The following DEGS1 variants were observed in gnomAD, a reference collection of about 807,000 sequenced individuals.
DEGS1 encodes the protein sphingolipid delta(4)-desaturase DES1.
In DEGS1, 17 loss-of-function variants were observed where a neutral mutation model predicts 24.1. The ratio of observed to expected loss-of-function variants is 0.70; its 90% confidence interval spans 0.48 to 1.06. The LOEUF (loss-of-function observed/expected upper bound fraction) is 1.06. Among genes scored for constraint, DEGS1 ranks in the 50% least tolerant of loss-of-function variants. DEGS1 has a pLI of 0.00. For missense variants in DEGS1, 366 were observed against 408.9 expected, an observed-to-expected ratio of 0.90 and a Z score of 0.91; for synonymous variants, 134 against 140.0, an observed-to-expected ratio of 0.96 and a Z score of 0.30.
chr1:224,189,543 T>C, intron 1 of DEGS1, 34 bp from the exon 2 acceptor site: 1 of 1,489,576 alleles, frequency 6.7e-7, no homozygotes, highest in South Asian at 1.3e-5. Flanking sequence ...TACATACTTT[T>C]CTTAGTTCCT....
chr1:224,187,161 A>G (rs1377574855), intron 1 of DEGS1, among the ~76,000 whole-genome samples: 4 of 151,962 alleles, frequency 2.6e-5, no homozygotes, highest in Non-Finnish European at 5.9e-5. Context: ...TACAAAAATT[A>G]GCTGGGTGTG....
rs746805086 is a variant in DEGS1 at position 224,190,317 on chromosome 1, C to G, written c.823C>G (p.Leu275Val). 1.3e-6 allele frequency: 2 copies of G among 1,490,604 alleles called. No homozygotes were observed. Among genetic ancestry groups the G allele is most frequent in the Admixed American group, 5.0e-5 (2 of 39,946 alleles). 92.3% of individuals were successfully genotyped at this position (1,490,604 alleles called of 1,614,324 possible). A position where few individuals can be genotyped will look rare whatever the true frequency, so the allele number is the denominator to read the frequency against. Reference sequence around the variant, plus strand: ...CAACATTCCTGGAAAAAGTCTTCCACTGGTAAGTAAAGGATTTGATACATA... The same window carrying G: ...CAACATTCCTGGAAAAAGTCTTCCAGTGGTAAGTAAAGGATTTGATACATA... The part of the protein sequence containing the change: ...FPNIPGKSLP[L>V]VRKIAAEYYD... The change falls in exon 2 of 3, where the codon CTG becomes GTG. Residue 275 changes from leucine (L) to valine (V), a missense_variant and splice_region_variant. Physicochemically the swap from Leu to Val is conservative, Grantham distance 32. Transcript: ENST00000323699.
At chr1:224,184,771 C>T (rs1481100551) in intron 1 of DEGS1, among the ~76,000 whole-genome samples, 1 of 152,124 alleles carries the variant, frequency 6.6e-6, no homozygotes, top group East Asian at 1.9e-4. Flanking sequence ...CCGCCTTGGC[C>T]TCCCGAAGTT....
intron 1 of DEGS1, among the ~76,000 whole-genome samples, chr1:224,186,607 G>A (rs962549633): frequency 6.6e-6 from 1 of 151,540 alleles, no homozygotes; most frequent in African/African-American, 2.4e-5. Context: ...CAACTACTCA[G>A]GAGGCCGAGG....
chr1:224,185,190 C>T (rs1020960100), intron 1 of DEGS1, among the ~76,000 whole-genome samples: 3 of 152,124 alleles, frequency 2.0e-5, no homozygotes, highest in Non-Finnish European at 2.9e-5. Flanking sequence ...TGGGTTTCTC[C>T]GTGTTGCCCA....
chr1:224,185,149 G>A (rs1171640940), intron 1 of DEGS1, among the ~76,000 whole-genome samples: 1 of 152,070 alleles, frequency 6.6e-6, no homozygotes, highest in African/African-American at 2.4e-5. Context: ...ACACCACCAT[G>A]CCTGGTTGAT....
At chr1:224,183,806 C>T in intron 1 of DEGS1, 1 of 159,738 alleles carries the variant, frequency 6.3e-6, no homozygotes, top group Non-Finnish European at 1.4e-5. Flanking sequence ...CCTCTCACCA[C>T]TCCCTCTCCT....
In DEGS1 at chr1:224,193,081, A is replaced by T. The variant is rs1275436765; in HGVS notation, c.*603A>T. The T allele has an allele frequency of 3.3e-5, 5 of 152,264 alleles. No homozygotes were observed. Among genetic ancestry groups the T allele is most frequent in the South Asian group, 4.1e-4 (2 of 4,828 alleles). The allele number at this position is 152,264 out of a possible 1,614,324, so 9.4% of individuals were successfully genotyped here. A position where few individuals can be genotyped will look rare whatever the true frequency, so the allele number is the denominator to read the frequency against. On this transcript the variant is annotated 3_prime_UTR_variant, in exon 3 of 3. Transcript: ENST00000323699. ...TCTCAAAAATAAATAAATATATATAAAAAATAAAAAGCTATTTCTAGTTTA... is the reference window on the plus strand; with the variant it reads ...TCTCAAAAATAAATAAATATATATATAAAATAAAAAGCTATTTCTAGTTTA...
intron 1 of DEGS1, among the ~76,000 whole-genome samples, chr1:224,184,994 CACACACACACACTT>C (rs1658341329): frequency 9.3e-6 from 1 of 107,538 alleles, no homozygotes; most frequent in South Asian, 3.2e-4. Context: ...CACACACACA[CACACACACACACTT>C]TTTTTAAATT....
chr1:224,185,438 G>A (rs1269854779), intron 1 of DEGS1, among the ~76,000 whole-genome samples: 3 of 152,086 alleles, frequency 2.0e-5, no homozygotes, highest in Non-Finnish European at 4.4e-5. Flanking sequence ...CCAGTGGTCC[G>A]CATACCTCAG....
Position 224,192,660 on chromosome 1 carries a change from C to A in DEGS1, c.*182C>A. The A allele has an allele frequency of 1.8e-6, 1 of 551,450 alleles. No homozygotes were observed. The highest frequency in any genetic ancestry group is 3.1e-6 in the Non-Finnish European group (1 of 321,166). The allele number at this position is 551,450 out of a possible 1,614,324, so 34.2% of individuals were successfully genotyped here. Reference sequence around the variant, plus strand: ...ACAGTCAGCCTGACTCTGTACTGCTCAGTTTCACTCACAGGAAACTTGTGA... The same window carrying A: ...ACAGTCAGCCTGACTCTGTACTGCTAAGTTTCACTCACAGGAAACTTGTGA... On this transcript the variant is annotated 3_prime_UTR_variant, in exon 3 of 3. Transcript: ENST00000323699.
chr1:224,189,500 T>C, intron 1 of DEGS1, 77 bp from the exon 2 acceptor site: 1 of 1,088,802 alleles, frequency 9.2e-7, no homozygotes, highest in Non-Finnish European at 1.3e-6. Flanking sequence ...GTTAGTTTAA[T>C]TGGTGTTAAT....
Position 224,192,793 on chromosome 1 carries a change from C to T in DEGS1, c.*315C>T, listed in dbSNP as rs1221164747. ...ATTTCGCCAGGCACGGTGGCTCATG[C>T]CTATAATCCCAGCACTTTGGGAGGC... On this transcript the variant is annotated 3_prime_UTR_variant, in exon 3 of 3. Coordinates refer to ENST00000323699, the MANE Select transcript of DEGS1 (RefSeq NM_003676.4). 7.9e-6 allele frequency: 2 copies of T among 253,704 alleles called. No individual in the cohort carries two copies. The highest frequency in any genetic ancestry group is 6.1e-5 in the Admixed American group (1 of 16,372). The allele number at this position is 253,704 out of a possible 1,614,324, so 15.7% of individuals were successfully genotyped here.
chr1:224,187,470 C>T (rs774334842), intron 1 of DEGS1, among the ~76,000 whole-genome samples: 5 of 151,826 alleles, frequency 3.3e-5, no homozygotes, highest in African/African-American at 7.3e-5. Context: ...GTGATGCTCC[C>T]GCTTCAGCAT....
chr1:224,183,319 C>A lies in DEGS1; in HGVS notation c.-18C>A. 1.4e-6 allele frequency: 2 copies of A among 1,479,664 alleles called. No homozygotes were observed. Among genetic ancestry groups the A allele is most frequent in the Non-Finnish European group, 9.0e-7 (1 of 1,113,324 alleles). 91.7% of individuals were successfully genotyped at this position (1,479,664 alleles called of 1,614,324 possible). A position where few individuals can be genotyped will look rare whatever the true frequency, so the allele number is the denominator to read the frequency against. Reference sequence around the variant, plus strand: ...GGAGCGAGAGCCGACAGCTAGTCTGCAAGCCACCGCTGTCGCCATGGGGAG... The same window carrying A: ...GGAGCGAGAGCCGACAGCTAGTCTGAAAGCCACCGCTGTCGCCATGGGGAG... On this transcript the variant is annotated 5_prime_UTR_variant, in exon 1 of 3. Coordinates refer to ENST00000323699, the MANE Select transcript of DEGS1 (RefSeq NM_003676.4).
chr1:224,192,894 A>T lies in DEGS1; in HGVS notation c.*416A>T, dbSNP rs1658581756. On this transcript the variant is annotated 3_prime_UTR_variant, in exon 3 of 3. Coordinates refer to ENST00000323699, the MANE Select transcript of DEGS1 (RefSeq NM_003676.4). ...CACGGTGAAACCCCATCTCTACTAAAAATGCAAAAATTAGCCGGGCGTGGC... is the reference window on the plus strand; with the variant it reads ...CACGGTGAAACCCCATCTCTACTAATAATGCAAAAATTAGCCGGGCGTGGC... The T allele has an allele frequency of 6.1e-6, 1 of 163,618 alleles. No individual in the cohort carries two copies. Among genetic ancestry groups the T allele is most frequent in the African/African-American group, 2.4e-5 (1 of 41,468 alleles). 10.1% of individuals were successfully genotyped at this position (163,618 alleles called of 1,614,324 possible).
chr1:224,186,962 G>A (rs1051124515), intron 1 of DEGS1, among the ~76,000 whole-genome samples: 5 of 152,058 alleles, frequency 3.3e-5, no homozygotes, highest in Non-Finnish European at 4.4e-5. Context: ...TACACTTTAA[G>A]TTTACATTTA....
intron 1 of DEGS1, among the ~76,000 whole-genome samples, chr1:224,189,230 A>G (rs1209633373): frequency 6.6e-6 from 1 of 152,210 alleles, no homozygotes; most frequent in Non-Finnish European, 1.5e-5. Flanking sequence ...ATTATATTCT[A>G]TCCTTTGTCA....
At position 224,183,329 on chromosome 1, in the gene DEGS1, C is replaced by A; in HGVS notation, c.-8C>A. The A allele has an allele frequency of 6.8e-7, 1 of 1,480,858 alleles. No homozygotes were observed. The highest frequency in any genetic ancestry group is 9.0e-7 in the Non-Finnish European group (1 of 1,113,888). The allele number at this position is 1,480,858 out of a possible 1,614,324, so 91.7% of individuals were successfully genotyped here. On this transcript the variant is annotated 5_prime_UTR_variant, in exon 1 of 3. The change creates a new upstream start codon in the 5' untranslated region. Transcript: ENST00000323699. ...CCGACAGCTAGTCTGCAAGCCACCG[C>A]TGTCGCCATGGGGAGCCGCGTCTCG...
Sources: gnomAD v4.1 joint callset for allele counts (sites outside exome capture counted in the v4.1 genomes callset) on GRCh38, gnomAD v4.1.1 for gene constraint, MANE v1.5 for transcripts, NCBI Gene and HGNC (gene_info 2026-07-23, HGNC 2026-07-21) for gene names.